RAD54B: variants seen among roughly 807,000 people sequenced by gnomAD.
RAD54B encodes the protein DNA repair and recombination protein RAD54B.
In RAD54B, 78 loss-of-function variants were observed where a neutral mutation model predicts 95.8. The observed-to-expected ratio is 0.81, with a 90% CI of 0.68 to 0.98. The LOEUF (loss-of-function observed/expected upper bound fraction) is 0.98, where lower values mean the gene tolerates loss of function less well. Among genes scored for constraint, RAD54B ranks in the 50% least tolerant of loss-of-function variants. RAD54B has a pLI of 0.00. For missense variants in RAD54B, 957 were observed against 1,056.6 expected, an observed-to-expected ratio of 0.91 and a Z score of 1.31; for synonymous variants, 328 against 354.9, an observed-to-expected ratio of 0.92 and a Z score of 0.85.
intron 3 of RAD54B, among the ~76,000 whole-genome samples, chr8:94,436,169 A>T (rs1812254674): frequency 6.6e-6 from 1 of 152,152 alleles, no homozygotes; most frequent in Non-Finnish European, 1.5e-5. Context: ...AGTATCTCTC[A>T]GAAGCAAACT....
chr8:94,442,507 G>C (rs1436819595), intron 3 of RAD54B, among the ~76,000 whole-genome samples: 1 of 151,326 alleles, frequency 6.6e-6, no homozygotes, highest in Non-Finnish European at 1.5e-5. Context: ...CCCGGGAGGC[G>C]GAGCTTGCAG....
At chr8:94,390,560 T>TTA (rs753290640) in intron 10 of RAD54B, among the ~76,000 whole-genome samples, 11 of 147,868 alleles carry the variant, frequency 7.4e-5, no homozygotes, top group East Asian at 1.9e-4. Flanking sequence ...CAGAATAAGA[T>TTA]TATATATATA....
intron 7 of RAD54B, among the ~76,000 whole-genome samples, chr8:94,400,001 T>C (rs1241600673): frequency 6.6e-6 from 1 of 151,432 alleles, no homozygotes; most frequent in Non-Finnish European, 1.5e-5. Flanking sequence ...CGACCTCATT[T>C]AAACCTAACT....
chr8:94,389,234 C>T (rs1309747522), intron 10 of RAD54B, among the ~76,000 whole-genome samples: 3 of 152,146 alleles, frequency 2.0e-5, no homozygotes, highest in South Asian at 2.1e-4. Flanking sequence ...GGATTATAGG[C>T]GTGAGCCACC....
chr8:94,373,474 TC>T lies in RAD54B; in HGVS notation c.2516-1088del, dbSNP rs781422958. On this transcript the variant is annotated intron_variant, in intron 14 of 14. Coordinates refer to ENST00000336148, the MANE Select transcript of RAD54B (RefSeq NM_012415.3). Reference sequence around the variant, plus strand: ...AAACATCCTTCAAACTGAACAATTTTCTACTTTATCTCTTCTCTCACTGCTG... The same window carrying T: ...AAACATCCTTCAAACTGAACAATTTTTACTTTATCTCTTCTCTCACTGCTG... Among the ~76,000 whole-genome samples the T allele has an allele frequency of 2.0e-5, 3 of 152,292 alleles. 1 individual carries two copies.
chr8:94,448,872 A>G (rs1373604939), intron 3 of RAD54B, among the ~76,000 whole-genome samples: 1 of 152,170 alleles, frequency 6.6e-6, no homozygotes, highest in Admixed American at 6.5e-5. Context: ...CATGAAGGCT[A>G]TAGTTAATAA....
At chr8:94,439,870 T>C (rs1222502832) in intron 3 of RAD54B, among the ~76,000 whole-genome samples, 1 of 152,080 alleles carries the variant, frequency 6.6e-6, no homozygotes, top group African/African-American at 2.4e-5. Flanking sequence ...AGAGAACAGG[T>C]TGTATATTGT....
chr8:94,392,318 G>C (rs1811041626), intron 9 of RAD54B, among the ~76,000 whole-genome samples: 1 of 152,174 alleles, frequency 6.6e-6, no homozygotes, highest in African/African-American at 2.4e-5. Context: ...CTGGAGTGCA[G>C]TGGCACGATC....
At chr8:94,470,432 T>C (rs1467213383) in intron 1 of RAD54B, among the ~76,000 whole-genome samples, 1 of 151,898 alleles carries the variant, frequency 6.6e-6, no homozygotes, top group Non-Finnish European at 1.5e-5. Flanking sequence ...CCTGTGTCTA[T>C]TAAAAATACA....
intron 3 of RAD54B, among the ~76,000 whole-genome samples, chr8:94,441,543 C>A (rs1812395935): frequency 6.6e-6 from 1 of 152,160 alleles, no homozygotes; most frequent in Non-Finnish European, 1.5e-5. Flanking sequence ...TCCATGCCCA[C>A]CCCAGGCACA....
At chr8:94,431,923 G>T in intron 3 of RAD54B, 2 of 1,206,344 alleles carry the variant, frequency 1.7e-6, no homozygotes, top group Non-Finnish European at 2.1e-6. Flanking sequence ...AAAAAAAAAA[G>T]AAGACAATAA....
At chr8:94,474,219 G>C (rs971453156) in intron 1 of RAD54B, among the ~76,000 whole-genome samples, 4 of 152,190 alleles carry the variant, frequency 2.6e-5, no homozygotes, top group African/African-American at 9.7e-5. Context: ...AACTAGAAGG[G>C]AGAGGAAAGG....
intron 1 of RAD54B, among the ~76,000 whole-genome samples, chr8:94,468,939 A>T (rs1813099292): frequency 6.6e-6 from 1 of 152,064 alleles, no homozygotes; most frequent in South Asian, 2.1e-4. Flanking sequence ...AGTCTGGGCA[A>T]CATAGCAGCA....
chr8:94,399,548 C>T lies in RAD54B; in HGVS notation c.1244G>A (p.Arg415His), dbSNP rs562637094. The T allele has an allele frequency of 2.2e-5, 36 of 1,612,752 alleles. No homozygotes were observed. The Middle Eastern group carries it at 5.0e-4, about 22-fold the overall frequency. ...VLIISYEMLLRSLDQIKNIKF... is the reference protein window; with the variant it reads ...VLIISYEMLLHSLDQIKNIKF... ...TATATTCTTAATTTGATCCAGGGAA[C>T]GAAGTAACATTTCATAACTGATAAT... The change falls in exon 8 of 15, where the codon CGT (arginine) becomes CAT (histidine). Residue 415 changes from arginine (R) to histidine (H), a missense_variant. Arg to His is a conservative substitution (Grantham distance 29). Transcript: ENST00000336148.
intron 1 of RAD54B, among the ~76,000 whole-genome samples, chr8:94,470,168 A>C (rs1232316087): frequency 6.6e-6 from 1 of 152,226 alleles, no homozygotes; most frequent in African/African-American, 2.4e-5. Context: ...GTATAAGAAT[A>C]ATCAGCTGGG....
chr8:94,452,928 T>C (rs919716084), intron 3 of RAD54B, among the ~76,000 whole-genome samples: 1 of 152,182 alleles, frequency 6.6e-6, no homozygotes, highest in African/African-American at 2.4e-5. Flanking sequence ...TACTTACATA[T>C]AGATTGAGCA....
intron 3 of RAD54B, among the ~76,000 whole-genome samples, chr8:94,418,929 G>T (rs1811735560): frequency 6.6e-6 from 1 of 152,094 alleles, no homozygotes. Flanking sequence ...TGGCAGAAAT[G>T]ATATCTCCTT....
intron 2 of RAD54B, among the ~76,000 whole-genome samples, chr8:94,464,634 C>A (rs1415038260): frequency 3.3e-5 from 5 of 152,040 alleles, no homozygotes; most frequent in African/African-American, 1.2e-4. Context: ...GATGGCTGCA[C>A]AATTCTGTGA....
intron 1 of RAD54B, among the ~76,000 whole-genome samples, chr8:94,473,129 T>G (rs1813207883): frequency 6.6e-6 from 1 of 152,224 alleles, no homozygotes; most frequent in Admixed American, 6.5e-5. Flanking sequence ...TGGTTCTGTA[T>G]GTTCATATTG....
Sources: gnomAD v4.1 joint callset for allele counts (sites outside exome capture counted in the v4.1 genomes callset) on GRCh38, gnomAD v4.1.1 for gene constraint, MANE v1.5 for transcripts, NCBI Gene and HGNC (gene_info 2026-07-23, HGNC 2026-07-21) for gene names.